The following TLE1 variants were observed in gnomAD, a reference collection of about 807,000 sequenced individuals.
TLE1 encodes transducin-like enhancer protein 1.
TLE1 carries 21 observed loss-of-function variants against 89.8 expected under a neutral mutation model. The ratio of observed to expected loss-of-function variants is 0.23; its 90% CI spans 0.17 to 0.34. The LOEUF is 0.34. Among genes scored for constraint, TLE1 ranks in the 10% least tolerant of loss-of-function variants. The probability of loss-of-function intolerance (pLI) is 1.00; values close to 1 mark genes in which losing one functional copy is unlikely to be tolerated. For synonymous variants in TLE1, 447 were observed against 407.6 expected, an observed-to-expected ratio of 1.10 and a Z score of -1.16; for missense variants, 795 against 1,031.2, an observed-to-expected ratio of 0.77 and a Z score of 3.14.
intron 4 of TLE1, among the ~76,000 whole-genome samples, chr9:81,654,860 C>T (rs1272871996): frequency 1.3e-5 from 2 of 152,154 alleles, no homozygotes; most frequent in African/African-American, 4.8e-5. Flanking sequence ...TTGTTCATAG[C>T]TTCCCTAAGT....
chr9:81,636,567 G>A (rs1827390219), intron 6 of TLE1, among the ~76,000 whole-genome samples: 1 of 152,024 alleles, frequency 6.6e-6, no homozygotes, highest in Non-Finnish European at 1.5e-5. Context: ...CTAACTACAG[G>A]GTGGAGGATG....
rs528974046 is a variant in TLE1, at chr9:81,606,014, GA to G, written c.1331+4205del. On this transcript the variant is annotated intron_variant, in intron 14 of 19. Transcript: ENST00000376499. Reference sequence around the variant, plus strand: ...ACATTTATGCAGCCAACAGACACATGAAAAAATGCTCATCATCACTGGCCAT... The same window carrying G: ...ACATTTATGCAGCCAACAGACACATGAAAAATGCTCATCATCACTGGCCAT... 3.3e-3 allele frequency among the ~76,000 whole-genome samples: 495 copies of G among 152,268 alleles called. 2 individuals are homozygous for G. The highest frequency in any genetic ancestry group is 0.011 in the African/African-American group (445 of 41,546).
intron 4 of TLE1, among the ~76,000 whole-genome samples, chr9:81,680,098 C>T (rs557909758): frequency 3.3e-5 from 5 of 152,256 alleles, no homozygotes; most frequent in Non-Finnish European, 7.4e-5. Context: ...CTGGGTTCTG[C>T]GGGTGTATGC....
intron 7 of TLE1, chr9:81,633,572 C>T (rs1261552459): frequency 3.1e-6 from 2 of 655,402 alleles, no homozygotes; most frequent in Non-Finnish European, 5.0e-6. Context: ...TACAGTTTAA[C>T]CATACACAAA....
chr9:81,592,516 C>A (rs1829691138), intron 15 of TLE1, among the ~76,000 whole-genome samples: 2 of 152,304 alleles, frequency 1.3e-5, no homozygotes, highest in South Asian at 4.1e-4. Flanking sequence ...CGGGTCTTTG[C>A]AGTGACAGCC....
intron 4 of TLE1, among the ~76,000 whole-genome samples, chr9:81,683,222 ATTTT>A (rs58069135): frequency 7.2e-6 from 1 of 139,330 alleles, no homozygotes; most frequent in Non-Finnish European, 1.6e-5. Flanking sequence ...CCATCACTGC[ATTTT>A]TTTTTTTTTT....
At chr9:81,652,058 T>C (rs1392812317) in intron 6 of TLE1, 156 bp downstream of exon 6, 9 of 659,348 alleles carry the variant, frequency 1.4e-5, no homozygotes, top group Non-Finnish European at 2.3e-5. Context: ...ACATCCCAAG[T>C]CTCTTCCTCT....
chr9:81,663,077 C>T (rs1284337782), intron 4 of TLE1, among the ~76,000 whole-genome samples: 4 of 152,098 alleles, frequency 2.6e-5, no homozygotes, highest in Non-Finnish European at 5.9e-5. Flanking sequence ...AACTCCTTAC[C>T]TCAAATTATC....
chr9:81,617,066 C>T lies in TLE1; in HGVS notation c.712-367G>A, dbSNP rs112501764. Among the ~76,000 whole-genome samples the T allele has an allele frequency of 3.4e-3, 513 of 150,862 alleles. 3 individuals are homozygous for T. The highest frequency in any genetic ancestry group is 7.3e-3 in the African/African-American group (302 of 41,094). On this transcript the variant is annotated intron_variant, in intron 9 of 19. Transcript: ENST00000376499. ...AATCTTTAATTTGAGATCTGCACAC[C>T]CTTATATCAGAGTTTTTCCATATGA...
intron 19 of TLE1, 33 bp downstream of exon 19, chr9:81,584,415 A>C (rs375436322): frequency 1.9e-6 from 3 of 1,613,364 alleles, no homozygotes; most frequent in Non-Finnish European, 2.5e-6. Flanking sequence ...ACTGTGGTCA[A>C]ACTGTGGATC....
chr9:81,613,609 C>A lies in TLE1; in HGVS notation c.919-88G>T. The A allele has an allele frequency of 4.1e-6, 6 of 1,463,422 alleles. No individual in the cohort carries two copies. The South Asian group carries it at 6.4e-5, about 15-fold the overall frequency. The allele number at this position is 1,463,422 out of a possible 1,614,324, so 90.7% of individuals were successfully genotyped here. A position where few individuals can be genotyped will look rare whatever the true frequency, so the allele number is the denominator to read the frequency against. ...TCACAACAGCAGCTGGGACACTGGG[C>A]ACCTTCTAGCTACTCCCTCAGCCAA... On this transcript the variant is annotated intron_variant, in intron 11 of 19. Transcript: ENST00000376499.
intron 6 of TLE1, among the ~76,000 whole-genome samples, chr9:81,638,585 A>G (rs1827701236): frequency 6.6e-6 from 1 of 152,158 alleles, no homozygotes; most frequent in African/African-American, 2.4e-5. Flanking sequence ...ATACTACTAT[A>G]TAGCCAAAAC....
At chr9:81,639,275 A>G (rs1827788924) in intron 6 of TLE1, among the ~76,000 whole-genome samples, 1 of 152,096 alleles carries the variant, frequency 6.6e-6, no homozygotes, top group Admixed American at 6.5e-5. Context: ...CATGTTGCCC[A>G]GGCTGGTCTA....
chr9:81,614,957 G>A (rs972477711), intron 11 of TLE1, among the ~76,000 whole-genome samples: 4 of 151,692 alleles, frequency 2.6e-5, no homozygotes, highest in African/African-American at 9.7e-5. Context: ...CACTTTGGGA[G>A]GCCAAGGCAG....
chr9:81,610,177 G>A (rs776782637), intron 14 of TLE1, 43 bp downstream of exon 14: 4 of 1,555,012 alleles, frequency 2.6e-6, no homozygotes, highest in South Asian at 1.1e-5. Context: ...CAATGACTGA[G>A]TAACCACCTT....
At chr9:81,687,484 A>C (rs1427043427) in intron 1 of TLE1, 50 bp from the exon 2 acceptor site, 2 of 1,422,326 alleles carry the variant, frequency 1.4e-6, no homozygotes, top group Non-Finnish European at 2.0e-6. Context: ...CGGGCGGATG[A>C]ATAAAGCAGT....
chr9:81,616,579 G>C (rs1038383008), intron 10 of TLE1, 67 bp downstream of exon 10: 2 of 1,564,202 alleles, frequency 1.3e-6, no homozygotes, highest in Admixed American at 1.7e-5. Context: ...TTCATTCACT[G>C]TTAGTTTTTT....
At chr9:81,652,319 G>A (rs535034085) in intron 5 of TLE1, 31 bp from the exon 6 acceptor site, 1 of 1,598,062 alleles carries the variant, frequency 6.3e-7, no homozygotes, top group African/African-American at 1.3e-5. Context: ...AAGGGCATTA[G>A]CAACAGCCAA....
intron 14 of TLE1, 78 bp from the exon 15 acceptor site, chr9:81,593,352 G>T: frequency 6.9e-7 from 1 of 1,455,174 alleles, no homozygotes; most frequent in Non-Finnish European, 9.2e-7. Flanking sequence ...AATGTGCTAC[G>T]ACTATGAAAA....
Sources: gnomAD v4.1 joint callset for allele counts (sites outside exome capture counted in the v4.1 genomes callset) on GRCh38, gnomAD v4.1.1 for gene constraint, MANE v1.5 for transcripts, NCBI Gene and HGNC (gene_info 2026-07-23, HGNC 2026-07-21) for gene names.